The following CSF1R variants were observed in gnomAD, a reference collection of about 807,000 sequenced individuals.
CSF1R encodes the protein macrophage colony-stimulating factor 1 receptor.
In CSF1R, 40 loss-of-function variants were observed where a neutral mutation model predicts 110.0. The observed-to-expected ratio is 0.36, with a 90% CI of 0.28 to 0.47. The LOEUF is 0.47. Ranked by LOEUF, CSF1R falls within the 20% of genes least tolerant of loss-of-function variation. The pLI is 0.99. For synonymous variants in CSF1R, 523 were observed against 503.4 expected, an observed-to-expected ratio of 1.04 and a Z score of -0.52; for missense variants, 1,052 against 1,253.0, an observed-to-expected ratio of 0.84 and a Z score of 2.42.
At chr5:150,058,267 G>A in intron 14 of CSF1R, 1 of 456,302 alleles carries the variant, frequency 2.2e-6, no homozygotes, top group Non-Finnish European at 4.4e-6. Context: ...GTCCTCAAGA[G>A]ATGCCTATGA....
rs1163155801 is a variant in CSF1R at position 150,077,404 on chromosome 5, T to C, written c.761A>G (p.Asn254Ser). 2.5e-6 allele frequency: 4 copies of C among 1,613,632 alleles called. No individual in the cohort carries two copies. Among genetic ancestry groups the C allele is most frequent in the Non-Finnish European group, 2.5e-6 (3 of 1,179,662 alleles). The change falls in exon 5 of 21, where the codon AAT becomes AGT. Residue 254 changes from asparagine to serine, a missense_variant. By Grantham distance (46) the Asn-to-Ser change is conservative. This residue lies in a region of CSF1R where 693 missense variants were observed against 735.4 expected (regional missense o/e 0.94). Transcript: ENST00000675795. Reference protein sequence around the residue: ...LAIPQQSDFHNNRYQKVLTLN... With the variant: ...LAIPQQSDFHSNRYQKVLTLN... The stretch of plus-strand genomic sequence containing the variant: ...GGTCAGGACTTTTTGGTAACGGTTA[T>C]TATGAAAGTCAGATTGTTGAGGGAT...
At chr5:150,067,662 A>G (rs1757832429) in intron 10 of CSF1R, among the ~76,000 whole-genome samples, 1 of 152,192 alleles carries the variant, frequency 6.6e-6, no homozygotes, top group Non-Finnish European at 1.5e-5. Flanking sequence ...CGTCTTCACT[A>G]GACCATGTGC....
At chr5:150,089,120 T>C (rs1014554441), upstream of CSF1R, among the ~76,000 whole-genome samples, 1 of 152,184 alleles carries the variant, frequency 6.6e-6, no homozygotes, top group African/African-American at 2.4e-5. Flanking sequence ...ACTAATTCAA[T>C]GGTAAAAGAC....
chr5:150,079,167 C>T (rs73275663), intron 3 of CSF1R, among the ~76,000 whole-genome samples: 1 of 152,216 alleles, frequency 6.6e-6, no homozygotes, highest in Non-Finnish European at 1.5e-5. Flanking sequence ...GGCCCAGGAC[C>T]TTTGGCTCTT....
chr5:150,058,792 CCTT>C (rs1757368251), intron 14 of CSF1R, among the ~76,000 whole-genome samples: 1 of 151,866 alleles, frequency 6.6e-6, no homozygotes, highest in African/African-American at 2.4e-5. Flanking sequence ...CAGTGTACAC[CCTT>C]CTTGTTCTGA....
rs752655942 is a variant in CSF1R, at chr5:150,060,752, C to T, written c.1969+110G>A. 165 of 672,564 alleles carry T rather than the reference C, an allele frequency of 2.5e-4. 1 individual carries two copies. Among genetic ancestry groups the T allele is most frequent in the Non-Finnish European group, 2.7e-4 (106 of 390,858 alleles). 41.7% of individuals were successfully genotyped at this position (672,564 alleles called of 1,614,324 possible). ...TGCTGTGACCGGGATCCCCCTGACA[C>T]TTGGAGCAGTAGGATCCTGAGAAGG... On this transcript the variant is annotated intron_variant, in intron 13 of 20. Transcript: ENST00000675795.
chr5:150,068,364 G>T, intron 9 of CSF1R, 34 bp from the exon 10 acceptor site: 1 of 1,554,344 alleles, frequency 6.4e-7, no homozygotes, highest in South Asian at 1.1e-5. Flanking sequence ...TGAGCAGGCA[G>T]GGGTGCCTCC....
intron 1 of CSF1R, among the ~76,000 whole-genome samples, chr5:150,101,593 C>T (rs568855712): frequency 1.3e-5 from 2 of 151,706 alleles, no homozygotes; most frequent in African/African-American, 4.8e-5. Flanking sequence ...CCAGCCGTCA[C>T]GGGACCCAGG....
At position 150,061,214 on chromosome 5, in the gene CSF1R, G is replaced by A. The variant is rs73275619; in HGVS notation, c.1859-242C>T. 0.022 allele frequency among the ~76,000 whole-genome samples: 3,303 copies of A among 152,270 alleles called. 111 individuals carry two copies. The highest frequency in any genetic ancestry group is 0.073 in the African/African-American group (3,020 of 41,540). On this transcript the variant is annotated intron_variant, in intron 12 of 20. Coordinates refer to ENST00000675795, the MANE Select transcript of CSF1R (RefSeq NM_001288705.3). ...TCAGGTGACAGGAAGCCAAACTGTG[G>A]CCAGGCCATGGCCATAGGTGGCCTT...
At chr5:150,061,431 C>CCGG in intron 12 of CSF1R, 60 bp downstream of exon 12, 2 of 1,235,002 alleles carry the variant, frequency 1.6e-6, no homozygotes, top group Non-Finnish European at 1.1e-6. Context: ...ACACCAGGGC[C>CCGG]AGCCCACCCC....
At position 150,079,985 on chromosome 5, in the gene CSF1R, C is replaced by A. The variant is rs1455507499; in HGVS notation, c.592+67G>T. On this transcript the variant is annotated intron_variant, in intron 3 of 20. Transcript: ENST00000675795. ...ATCACACCCAGTCCCCAGTCACCAC[C>A]CATGTGGCCGCCGGCTCTCTGTCCC... is the stretch of plus-strand genomic sequence containing the variant. 2.6e-6 allele frequency: 4 copies of A among 1,560,964 alleles called. No homozygotes were observed. The African/African-American group carries it at 5.4e-5, about 21-fold the overall frequency.
At chr5:150,087,527 C>A (rs745571046), upstream of CSF1R, among the ~76,000 whole-genome samples, 7 of 152,200 alleles carry the variant, frequency 4.6e-5, no homozygotes, top group Non-Finnish European at 7.3e-5. Flanking sequence ...TGGATCCCAG[C>A]AGTCTGGTTA....
At chr5:150,065,966 C>T (rs981673974) in intron 10 of CSF1R, among the ~76,000 whole-genome samples, 1 of 152,214 alleles carries the variant, frequency 6.6e-6, no homozygotes, top group Admixed American at 6.5e-5. Flanking sequence ...GTGGGCACTG[C>T]GAGGCAGTTT....
In CSF1R at chr5:150,080,890, A is replaced by G; in HGVS notation, c.184T>C (p.Ser62Pro). Residue 62 changes from serine (S) to proline (P), a missense_variant, in exon 2 of 21, where the codon TCT (serine) becomes CCT (proline). By Grantham distance (74) the Ser-to-Pro change is moderately conservative. Around this residue, in one of 5 missense-constraint regions of CSF1R, gnomAD observed 693 missense variants for 735.4 expected, o/e 0.94. Coordinates refer to ENST00000675795, the MANE Select transcript of CSF1R (RefSeq NM_001288705.3). The part of the protein sequence containing the change: ...GPPSPHWTLY[S>P]DGSSSILSTN... ...CTGAGGATGCTGCTGGAGCCATCAG[A>G]GTACAGGGTCCAGTGAGGTGATGGG... 1 of 1,614,178 alleles carries G rather than the reference A, an allele frequency of 6.2e-7. No individual in the cohort carries two copies. Among genetic ancestry groups the G allele is most frequent in the Non-Finnish European group, 8.5e-7 (1 of 1,180,032 alleles).
At chr5:150,083,838 G>C (rs535596774) in intron 1 of CSF1R, among the ~76,000 whole-genome samples, 3 of 152,054 alleles carry the variant, frequency 2.0e-5, no homozygotes, top group Non-Finnish European at 4.4e-5. Flanking sequence ...TTACTGAACC[G>C]AGATAATTGA....
chr5:150,102,620 C>T (rs1759439952), intron 1 of CSF1R, among the ~76,000 whole-genome samples: 1 of 152,112 alleles, frequency 6.6e-6, no homozygotes, highest in Admixed American at 6.5e-5. Flanking sequence ...GCTGGGATTA[C>T]AGGCGCCCAC....
At chr5:150,099,175 T>G (rs946231225) in intron 1 of CSF1R, among the ~76,000 whole-genome samples, 12 of 151,792 alleles carry the variant, frequency 7.9e-5, no homozygotes, top group African/African-American at 1.7e-4. Flanking sequence ...CCCAAAGTGC[T>G]GGGATTACAG....
chr5:150,109,562 C>A (rs545539246), intron 1 of CSF1R, among the ~76,000 whole-genome samples: 1 of 152,314 alleles, frequency 6.6e-6, no homozygotes, highest in East Asian at 1.9e-4. Flanking sequence ...CTCTGTCACC[C>A]ACTTATGACT....
At chr5:150,084,536 T>C (rs1178634811) in intron 1 of CSF1R, among the ~76,000 whole-genome samples, 2 of 151,348 alleles carry the variant, frequency 1.3e-5, no homozygotes, top group Admixed American at 6.6e-5. Context: ...CACTGCAACC[T>C]CTGCCTCCCG....
Sources: gnomAD v4.1 joint callset for allele counts (sites outside exome capture counted in the v4.1 genomes callset) on GRCh38, gnomAD v4.1.1 for gene constraint, gnomAD v4.1.1 regional missense constraint, MANE v1.5 for transcripts, NCBI Gene and HGNC (gene_info 2026-07-23, HGNC 2026-07-21) for gene names.